The following SATB2 variants were observed in gnomAD, a reference collection of about 807,000 sequenced individuals.
SATB2 encodes SATB homeobox 2.
Under a neutral mutation model 73.4 loss-of-function variants are expected in SATB2, and 1 was observed. The ratio of observed to expected loss-of-function variants is 0.01; its 90% CI spans 0.00 to 0.06. SATB2 has a LOEUF of 0.06. SATB2 is among the 10% of genes least tolerant of loss of function. SATB2 has a pLI of 1.00. For missense variants in SATB2, 459 were observed against 945.8 expected (o/e 0.49, Z 6.75); for synonymous variants, 397 against 367.0 (o/e 1.08, Z -0.93).
At chr2:199,431,403 T>G (rs1006876126) in intron 3 of SATB2, among the ~76,000 whole-genome samples, 1 of 152,242 alleles carries the variant, frequency 6.6e-6, no homozygotes, top group Non-Finnish European at 1.5e-5. Context: ...CTGATTTTTT[T>G]CTTTGTGAGA....
At chr2:199,411,643 G>A (rs935240594) in intron 3 of SATB2, among the ~76,000 whole-genome samples, 11 of 152,266 alleles carry the variant, frequency 7.2e-5, no homozygotes, top group African/African-American at 2.6e-4. Context: ...AATCCCTACT[G>A]TGTGACTCCA....
intron 3 of SATB2, among the ~76,000 whole-genome samples, chr2:199,383,776 T>C (rs924421328): frequency 6.6e-6 from 1 of 152,160 alleles, no homozygotes; most frequent in Non-Finnish European, 1.5e-5. Context: ...CTTTTTATTG[T>C]AAAGAAGCAT....
At chr2:199,451,379 C>T (rs1692118324) in intron 2 of SATB2, among the ~76,000 whole-genome samples, 1 of 149,864 alleles carries the variant, frequency 6.7e-6, no homozygotes, top group Admixed American at 6.7e-5. Flanking sequence ...AGCAAAACTA[C>T]AGAGGACAGG....
At chr2:199,349,864 G>A (rs1049555308) in intron 6 of SATB2, among the ~76,000 whole-genome samples, 2 of 152,008 alleles carry the variant, frequency 1.3e-5, no homozygotes, top group Admixed American at 1.3e-4. Context: ...ACATTATATT[G>A]TGCTTTAATA....
intron 2 of SATB2, among the ~76,000 whole-genome samples, chr2:199,451,898 G>C (rs868753741): frequency 2.0e-5 from 3 of 152,020 alleles, no homozygotes; most frequent in Non-Finnish European, 2.9e-5. Flanking sequence ...TTCTTGAAAG[G>C]GCTGCCTGGT....
chr2:199,368,919 A>T (rs1417889722), intron 5 of SATB2: 1 of 463,940 alleles, frequency 2.2e-6, no homozygotes, highest in Non-Finnish European at 3.9e-6. Flanking sequence ...CAAAAAGCCA[A>T]CCCTGGGGCA....
chr2:199,407,081 G>A (rs954487555), intron 3 of SATB2, among the ~76,000 whole-genome samples: 9 of 152,058 alleles, frequency 5.9e-5, no homozygotes, highest in Admixed American at 5.9e-4. Context: ...AGCATCTTGG[G>A]AGGATGAGGT....
At position 199,308,451 on chromosome 2, in the gene SATB2, G is replaced by A. The variant is rs921376784; in HGVS notation, c.1740+309C>T. ...TTCCGATCGAGAGATTTAATTCTCC[G>A]TGAGCGCTCTGGCTTTACAATCCCA... On this transcript the variant is annotated intron_variant, in intron 10 of 10. Coordinates refer to ENST00000417098, the MANE Select transcript of SATB2 (RefSeq NM_001172509.2). The surrounding 1 kb of genome is among the most constrained non-coding windows in gnomAD (Gnocchi z 4.6). 6.6e-6 allele frequency among the ~76,000 whole-genome samples: 1 copy of A among 152,048 alleles called. No homozygotes were observed. The highest frequency in any genetic ancestry group is 1.5e-5 in the Non-Finnish European group (1 of 68,018).
chr2:199,376,013 T>C (rs1338941029), intron 5 of SATB2, among the ~76,000 whole-genome samples: 1 of 152,196 alleles, frequency 6.6e-6, no homozygotes, highest in African/African-American at 2.4e-5. Flanking sequence ...ACCAACAAAA[T>C]AGGCGCGCTT....
At chr2:199,394,541 C>T (rs1461617770) in intron 3 of SATB2, among the ~76,000 whole-genome samples, 3 of 152,068 alleles carry the variant, frequency 2.0e-5, no homozygotes, top group African/African-American at 4.8e-5. Flanking sequence ...GCCTGTAATC[C>T]CAACACTTTG....
At chr2:199,380,725 C>A (rs1164922128) in intron 4 of SATB2, among the ~76,000 whole-genome samples, 1 of 152,158 alleles carries the variant, frequency 6.6e-6, no homozygotes, top group African/African-American at 2.4e-5. Flanking sequence ...ATTTGCAATA[C>A]AAGAGATGCT....
intron 2 of SATB2, among the ~76,000 whole-genome samples, chr2:199,452,784 A>C (rs1692165270): frequency 6.6e-6 from 1 of 151,396 alleles, no homozygotes; most frequent in Non-Finnish European, 1.5e-5. Context: ...TTTTTTTCCT[A>C]AGGACCGTCT....
chr2:199,416,742 A>G (rs1690998002), intron 3 of SATB2, among the ~76,000 whole-genome samples: 1 of 152,140 alleles, frequency 6.6e-6, no homozygotes, highest in Admixed American at 6.5e-5. Flanking sequence ...ACAACTGACT[A>G]TAACATAACA....
chr2:199,313,693 T>C (rs2105776216), intron 9 of SATB2, among the ~76,000 whole-genome samples: 1 of 152,324 alleles, frequency 6.6e-6, no homozygotes, highest in Middle Eastern at 3.4e-3. Flanking sequence ...TTAGACATGC[T>C]TACTATTTGA....
intron 3 of SATB2, among the ~76,000 whole-genome samples, chr2:199,389,367 T>C (rs377353929): frequency 2.0e-5 from 3 of 151,598 alleles, no homozygotes; most frequent in Non-Finnish European, 4.4e-5. Flanking sequence ...TAAAAGTAAG[T>C]GGAAAATGAA....
intron 6 of SATB2, among the ~76,000 whole-genome samples, chr2:199,363,105 G>A (rs1689186546): frequency 6.6e-6 from 1 of 152,164 alleles, no homozygotes; most frequent in Non-Finnish European, 1.5e-5. Context: ...ATCCATGCAA[G>A]GAATTAGTCC....
chr2:199,418,996 A>T (rs894280876), intron 3 of SATB2, among the ~76,000 whole-genome samples: 1 of 152,168 alleles, frequency 6.6e-6, no homozygotes, highest in Non-Finnish European at 1.5e-5. Context: ...AACCAACACG[A>T]TACAGTGCCA....
intron 2 of SATB2, among the ~76,000 whole-genome samples, chr2:199,440,567 T>C (rs1031927188): frequency 5.3e-5 from 8 of 152,178 alleles, no homozygotes; most frequent in African/African-American, 1.4e-4. Context: ...GAGCAATCAT[T>C]TGGATGCAAA....
chr2:199,383,931 G>T (rs1342310054), intron 3 of SATB2, among the ~76,000 whole-genome samples: 1 of 152,204 alleles, frequency 6.6e-6, no homozygotes, highest in Admixed American at 6.5e-5. Flanking sequence ...CATAGGCAGG[G>T]ACATATGGGG....
Sources: gnomAD v4.1 joint callset for allele counts (sites outside exome capture counted in the v4.1 genomes callset) on GRCh38, gnomAD v4.1.1 for gene constraint, Gnocchi (gnomAD v3.1) non-coding constraint, MANE v1.5 for transcripts, NCBI Gene and HGNC (gene_info 2026-07-23, HGNC 2026-07-21) for gene names.